The following DOCK10 variants were observed in gnomAD, a reference collection of about 807,000 sequenced individuals.
DOCK10 encodes the protein dedicator of cytokinesis protein 10.
DOCK10 carries 145 observed loss-of-function variants against 280.1 expected under a neutral mutation model. That is an observed-to-expected ratio of 0.52 (90% CI 0.45 to 0.59). The LOEUF is 0.59. Among genes scored for constraint, DOCK10 ranks in the 20% least tolerant of loss-of-function variants. DOCK10 has a pLI of 0.00. For missense variants in DOCK10, 2,368 were observed against 2,651.7 expected (o/e 0.89, Z 2.35); for synonymous variants, 915 against 942.2 (o/e 0.97, Z 0.53).
intron 18 of DOCK10, among the ~76,000 whole-genome samples, chr2:224,850,945 G>A (rs1235914670): frequency 6.6e-6 from 1 of 152,044 alleles, no homozygotes; most frequent in Non-Finnish European, 1.5e-5. Context: ...TATCTTTATA[G>A]CAGTGTGAGA....
rs781654444 is a variant in DOCK10 at position 224,816,638 on chromosome 2, T to C, written c.3343A>G (p.Ile1115Val). 34 of 1,604,976 alleles carry C rather than the reference T, an allele frequency of 2.1e-5. No individual in the cohort carries two copies. The highest frequency in any genetic ancestry group is 1.0e-4 in the Admixed American group (6 of 59,380). The change falls in exon 30 of 56, where the codon ATA (isoleucine) becomes GTA (valine). Residue 1115 changes from isoleucine to valine, a missense_variant. Coordinates refer to ENST00000258390, the MANE Select transcript of DOCK10 (RefSeq NM_014689.3). ...TTACCTGGAATGTTTGCTGATCTTA[T>C]GGGCAGACACAAAGGGATAAAGTGT... Reference protein sequence around the residue: ...HEHFIPLCLPIRSANIPDPLT... With the variant: ...HEHFIPLCLPVRSANIPDPLT...
chr2:224,912,040 T>A (rs7605272), intron 3 of DOCK10, among the ~76,000 whole-genome samples: 111,218 of 152,106 alleles, frequency 0.73, 42,010 homozygotes, highest in African/African-American at 0.94. Context: ...CTTTTAGGTA[T>A]TTATCTAATG....
At chr2:224,808,153 T>C in intron 31 of DOCK10, 67 bp from the exon 32 acceptor site, 1 of 1,413,482 alleles carries the variant, frequency 7.1e-7, no homozygotes, top group Non-Finnish European at 9.7e-7. Context: ...TTGAGACAGA[T>C]ATACCAAACA....
chr2:224,765,535 T>G lies in DOCK10; in HGVS notation c.*186A>C, dbSNP rs1690036687. 1.9e-6 allele frequency: 1 copy of G among 536,416 alleles called. No individual in the cohort carries two copies. Among genetic ancestry groups the G allele is most frequent in the African/African-American group, 2.0e-5 (1 of 50,472 alleles). 33.2% of individuals were successfully genotyped at this position (536,416 alleles called of 1,614,324 possible). On this transcript the variant is annotated 3_prime_UTR_variant, in exon 56 of 56. Transcript: ENST00000258390. Reference sequence around the variant, plus strand: ...TTCAACCTGGCTTGATCAACACTGCTCAAAGAAAAAAAAATTATACAAAAT... The same window carrying G: ...TTCAACCTGGCTTGATCAACACTGCGCAAAGAAAAAAAAATTATACAAAAT...
intron 23 of DOCK10, among the ~76,000 whole-genome samples, chr2:224,841,482 C>T (rs1695962713): frequency 6.6e-6 from 1 of 151,910 alleles, no homozygotes; most frequent in Non-Finnish European, 1.5e-5. Context: ...TGGCTTTATT[C>T]TTTATTGCAA....
intron 1 of DOCK10, among the ~76,000 whole-genome samples, chr2:224,935,676 G>A (rs1391633869): frequency 2.6e-5 from 4 of 152,150 alleles, no homozygotes; most frequent in Non-Finnish European, 4.4e-5. Flanking sequence ...ACCCCTGGAA[G>A]AGCCCACACG....
chr2:224,858,347 A>C (rs960806465), intron 14 of DOCK10, among the ~76,000 whole-genome samples: 1 of 152,072 alleles, frequency 6.6e-6, no homozygotes, highest in African/African-American at 2.4e-5. Flanking sequence ...GCCATACAAC[A>C]TGTGGTTGCT....
At chr2:224,862,260 A>G (rs1047121552) in intron 14 of DOCK10, 1 of 160,518 alleles carries the variant, frequency 6.2e-6, no homozygotes, top group Admixed American at 6.2e-5. Flanking sequence ...AGCTCTACGC[A>G]TAAATGAAAA....
chr2:224,846,929 C>G (rs1051157105), intron 19 of DOCK10, among the ~76,000 whole-genome samples: 3 of 152,128 alleles, frequency 2.0e-5, no homozygotes, highest in Admixed American at 2.0e-4. Flanking sequence ...TCACAGGATC[C>G]CCAGACAATT....
intron 25 of DOCK10, 140 bp from the exon 26 acceptor site, chr2:224,834,403 T>G: frequency 3.2e-6 from 2 of 633,598 alleles, no homozygotes; most frequent in East Asian, 5.6e-5. Flanking sequence ...GGCCCAATGA[T>G]AAGAGCAGTA....
At chr2:224,781,183 G>A (rs970450908) in intron 50 of DOCK10, among the ~76,000 whole-genome samples, 2 of 152,172 alleles carry the variant, frequency 1.3e-5, no homozygotes, top group African/African-American at 2.4e-5. Context: ...TTCAGTGCTC[G>A]AAAATACATA....
intron 20 of DOCK10, 72 bp downstream of exon 20, chr2:224,845,447 T>A: frequency 6.4e-7 from 1 of 1,563,556 alleles, no homozygotes; most frequent in Non-Finnish European, 8.7e-7. Context: ...AAATCAGGGC[T>A]TTGAAAACAC....
chr2:224,773,070 A>G (rs1376921497), intron 53 of DOCK10, 87 bp downstream of exon 53: 18 of 1,222,998 alleles, frequency 1.5e-5, no homozygotes, highest in Non-Finnish European at 1.9e-5. Flanking sequence ...AATGTTTCTT[A>G]TATTCTTTGT....
At position 224,940,207 on chromosome 2, in the gene DOCK10, T is replaced by C. The variant is rs888542600; in HGVS notation, c.124-8539A>G. On this transcript the variant is annotated intron_variant, in intron 1 of 55. Coordinates refer to ENST00000258390, the MANE Select transcript of DOCK10 (RefSeq NM_014689.3). ...CACTCCCACAAGACTTTCCATTAGTTTGAATCATCAAAACCACCCATTTCC... is the reference window on the plus strand; with the variant it reads ...CACTCCCACAAGACTTTCCATTAGTCTGAATCATCAAAACCACCCATTTCC... Among the ~76,000 whole-genome samples the C allele has an allele frequency of 5.3e-5, 8 of 152,286 alleles. No individual in the cohort carries two copies. The South Asian group carries it at 1.7e-3, about 32-fold the overall frequency.
chr2:224,805,234 A>C lies in DOCK10; in HGVS notation c.4023T>G (p.Phe1341Leu). 6.2e-7 allele frequency: 1 copy of C among 1,612,284 alleles called. No homozygotes were observed. Among genetic ancestry groups the C allele is most frequent in the Non-Finnish European group, 8.5e-7 (1 of 1,179,144 alleles). ...QAETRSLLMC[F>L]LHIMKTISYE... The stretch of plus-strand genomic sequence containing the variant: ...ACGAAATCGTTTTCATAATGTGAAG[A>C]AAACACATCAGGAGACTCCTGGTTT... The change falls in exon 36 of 56, where the codon TTT becomes TTG. Residue 1341 changes from phenylalanine (F) to leucine (L), a missense_variant. By Grantham distance (22) the Phe-to-Leu change is conservative (BLOSUM62 0). Transcript: ENST00000258390. The surrounding 1 kb of genome is among the most constrained non-coding windows in gnomAD (Gnocchi z 4.3).
Position 224,839,952 on chromosome 2 carries a change from A to G in DOCK10, c.2780+2T>C. ...CTCCTCTTAAGGTTGTGTTATGGAT[A>G]CCTGGTGACAGTTGTAGTTATTTCA... On this transcript the variant is annotated splice_donor_variant, in intron 24 of 55. Transcript: ENST00000258390. LOFTEE classifies it high-confidence loss of function. 2 of 1,409,026 alleles carry G rather than the reference A, an allele frequency of 1.4e-6. No individual in the cohort carries two copies. Among genetic ancestry groups the G allele is most frequent in the Non-Finnish European group, 2.0e-6 (2 of 1,022,656 alleles). 87.3% of individuals were successfully genotyped at this position (1,409,026 alleles called of 1,614,324 possible). A position where few individuals can be genotyped will look rare whatever the true frequency, so the allele number is the denominator to read the frequency against.
chr2:224,931,702 A>G (rs1702388895), intron 1 of DOCK10, 34 bp from the exon 2 acceptor site: 1 of 1,549,646 alleles, frequency 6.5e-7, no homozygotes, highest in Non-Finnish European at 8.7e-7. Context: ...TTAATCACTG[A>G]CATACACCAT....
Position 225,000,423 on chromosome 2 carries a change from C to T in DOCK10, c.123+41829G>A, listed in dbSNP as rs188777175. Among the ~76,000 whole-genome samples, 3 of 152,256 alleles carry T rather than the reference C, an allele frequency of 2.0e-5. No homozygotes were observed. The East Asian group carries it at 5.8e-4, about 29-fold the overall frequency. ...TTCGTGGAATTGTGCTTTCCACATG[C>T]GGAAGAGTGAAAGTTGAGTTCTCTA... On this transcript the variant is annotated intron_variant, in intron 1 of 55. Coordinates refer to ENST00000258390, the MANE Select transcript of DOCK10 (RefSeq NM_014689.3).
In DOCK10 at chr2:224,787,395, A is replaced by G. The variant is rs755283809; in HGVS notation, c.5421T>C (p.Asn1807=). 6.2e-7 allele frequency: 1 copy of G among 1,613,692 alleles called. No homozygotes were observed. The highest frequency in any genetic ancestry group is 8.5e-7 in the Non-Finnish European group (1 of 1,179,818). Residue 1807 remains asparagine (N), a splice_region_variant and synonymous_variant, in exon 49 of 56, where the codon AAT becomes AAC. Transcript: ENST00000258390. ...ACATGTATAGCTGCTCCACCAGGAT[A>G]TTCTGCAATTCCCCCAATCAAAATA... The part of the protein sequence containing the change: ...SGMQDTPYNE[N]ILVEQLYMCV...
Sources: allele counts gnomAD v4.1 joint callset (sites outside exome capture counted in the v4.1 genomes callset), GRCh38; gene constraint gnomAD v4.1.1; non-coding constraint Gnocchi (gnomAD v3.1); transcripts MANE v1.5; gene names NCBI Gene and HGNC (gene_info 2026-07-23, HGNC 2026-07-21).